DCAF1: variants seen among roughly 807,000 people sequenced by gnomAD.
The protein encoded by DCAF1 is DDB1 and CUL4 associated factor 1.
Under a neutral mutation model 128.0 loss-of-function variants are expected in DCAF1, and 15 were observed. The observed-to-expected ratio is 0.12, with a 90% CI of 0.08 to 0.18. The LOEUF is 0.18. DCAF1 is among the 10% of genes least tolerant of loss of function. The probability of loss-of-function intolerance (pLI) is 1.00; values close to 1 mark genes in which losing one functional copy is unlikely to be tolerated. For missense variants in DCAF1, 988 were observed against 1,649.5 expected (o/e 0.60, Z 6.95); for synonymous variants, 610 against 603.0 (o/e 1.01, Z -0.17).
chr3:51,416,183 G>T (rs1553630326), intron 18 of DCAF1, among the ~76,000 whole-genome samples: 1 of 151,866 alleles, frequency 6.6e-6, no homozygotes, highest in African/African-American at 2.4e-5. Flanking sequence ...AAAAGCTAAA[G>T]GCCCTAACTA....
intron 6 of DCAF1, among the ~76,000 whole-genome samples, chr3:51,447,433 A>G (rs1701986226): frequency 6.6e-6 from 1 of 152,102 alleles, no homozygotes; most frequent in African/African-American, 2.4e-5. Flanking sequence ...ATAAATAAAT[A>G]AAAACTACTC....
chr3:51,413,433 C>A, intron 20 of DCAF1, 47 bp from the exon 21 acceptor site: 1 of 1,577,198 alleles, frequency 6.3e-7, no homozygotes, highest in Non-Finnish European at 8.6e-7. Context: ...TCACAAACAT[C>A]CCCTCTTCAC....
intron 2 of DCAF1, among the ~76,000 whole-genome samples, chr3:51,492,897 G>C (rs1347004975): frequency 2.0e-5 from 3 of 152,050 alleles, no homozygotes; most frequent in Non-Finnish European, 4.4e-5. Context: ...GGGAGACTGA[G>C]GCAGGAGAAT....
In DCAF1 at chr3:51,420,850, G is replaced by A. The variant is rs1699326452; in HGVS notation, c.2120C>T (p.Pro707Leu). Residue 707 changes from proline (P) to leucine (L), a missense_variant, in exon 15 of 25, where the codon CCT (proline) becomes CTT (leucine). Around this residue, in one of 11 missense-constraint regions of DCAF1, gnomAD observed 185 missense variants for 248.1 expected, o/e 0.75. Transcript: ENST00000684031. This position sits in a 1 kb window ranked among gnomAD's most constrained non-coding sequence, Gnocchi z 6.5. ...AGGGTTCTGAGGCAGCTTTCTCCGA[G>A]GAGTACCAGAGATAAATTTACCAAT... ...SSIGKFISGTPRRKLPQNPKS... is the reference protein window; with the variant it reads ...SSIGKFISGTLRRKLPQNPKS... The A allele has an allele frequency of 1.9e-6, 3 of 1,614,012 alleles. No individual in the cohort carries two copies. Among genetic ancestry groups the A allele is most frequent in the Non-Finnish European group, 2.5e-6 (3 of 1,179,906 alleles).
chr3:51,490,523 A>G (rs1707510664), intron 2 of DCAF1, among the ~76,000 whole-genome samples: 1 of 152,232 alleles, frequency 6.6e-6, no homozygotes, highest in Non-Finnish European at 1.5e-5. Flanking sequence ...AATTTTAAAT[A>G]ACCTAAATAA....
intron 23 of DCAF1, among the ~76,000 whole-genome samples, chr3:51,405,728 A>G (rs1454008640): frequency 6.6e-6 from 1 of 152,196 alleles, no homozygotes; most frequent in African/African-American, 2.4e-5. Flanking sequence ...GGCAGAACCC[A>G]AAAGAGATTC....
intron 6 of DCAF1, among the ~76,000 whole-genome samples, chr3:51,449,079 T>C (rs1702133356): frequency 6.6e-6 from 1 of 152,050 alleles, no homozygotes; most frequent in Non-Finnish European, 1.5e-5. Flanking sequence ...TAAACATCAC[T>C]CTTAAATAAC....
intron 6 of DCAF1, among the ~76,000 whole-genome samples, chr3:51,457,357 T>A (rs1413554439): frequency 6.6e-6 from 1 of 151,980 alleles, no homozygotes; most frequent in Non-Finnish European, 1.5e-5. Context: ...AAGAGAAGTT[T>A]ACAGAAAAAA....
In DCAF1 at chr3:51,486,853, C is replaced by T. The variant is rs182945746; in HGVS notation, c.-8-3017G>A. ...TTCACCATATTGGCCAGGCTGGTCT[C>T]GAACTCCTGACCTCATGATCCGCCT... On this transcript the variant is annotated intron_variant, in intron 2 of 24. Transcript: ENST00000684031. Among the ~76,000 whole-genome samples, 23 of 152,066 alleles carry T rather than the reference C, an allele frequency of 1.5e-4. 1 individual carries two copies. Among genetic ancestry groups the T allele is most frequent in the South Asian group, 6.2e-4 (3 of 4,802 alleles).
intron 8 of DCAF1, 111 bp from the exon 9 acceptor site, chr3:51,441,182 C>A: frequency 2.5e-6 from 3 of 1,197,200 alleles, no homozygotes; most frequent in South Asian, 2.9e-5. Context: ...CTTCCTCCCT[C>A]CCTGTGAAGA....
chr3:51,485,193 G>A (rs1706787786), intron 2 of DCAF1, among the ~76,000 whole-genome samples: 1 of 152,182 alleles, frequency 6.6e-6, no homozygotes, highest in African/African-American at 2.4e-5. Flanking sequence ...GGGATTACAG[G>A]CGTGACCCAC....
At chr3:51,435,648 TTGCAGTGAGCAGAGA>T (rs778261883) in intron 9 of DCAF1, among the ~76,000 whole-genome samples, 205 of 151,594 alleles carry the variant, frequency 1.4e-3, no homozygotes, top group Middle Eastern at 3.4e-3. Flanking sequence ...GAGGCCAGGG[TTGCAGTGAGCAGAGA>T]TCATGCCACT....
chr3:51,419,939 A>G lies in DCAF1; in HGVS notation c.3031T>C (p.Tyr1011His). The change falls in exon 15 of 25, where the codon TAT becomes CAT. Residue 1011 changes from tyrosine to histidine, a missense_variant. By Grantham distance (83) the Tyr-to-His change is moderately conservative (BLOSUM62 2). This residue lies in a region of DCAF1 where 105 missense variants were observed against 266.7 expected (regional missense o/e 0.39). Coordinates refer to ENST00000684031, the MANE Select transcript of DCAF1 (RefSeq NM_001387579.1). ...CAGCGAGCATGTTGTTCTCTAAGAT[A>G]CTCTGTGATTATACTGTCCAGCGTA... Reference protein sequence around the residue: ...PPTLDSIITEYLREQHARCKN... With the variant: ...PPTLDSIITEHLREQHARCKN... The G allele has an allele frequency of 6.2e-7, 1 of 1,613,834 alleles. No individual in the cohort carries two copies. Among genetic ancestry groups the G allele is most frequent in the Non-Finnish European group, 8.5e-7 (1 of 1,179,874 alleles).
intron 4 of DCAF1, among the ~76,000 whole-genome samples, chr3:51,468,669 AAAAC>A (rs1245182401): frequency 7.9e-5 from 12 of 152,208 alleles, no homozygotes; most frequent in African/African-American, 2.4e-4. Context: ...AAGTATCACA[AAAAC>A]AAACAAGGAC....
intron 9 of DCAF1, chr3:51,437,228 A>T (rs546243890): frequency 1.8e-5 from 7 of 378,530 alleles, no homozygotes; most frequent in South Asian, 1.2e-4. Context: ...GCACCACTGC[A>T]CTGCACTCCA....
At chr3:51,424,624 AAAACACT>A (rs1553633630) in intron 13 of DCAF1, among the ~76,000 whole-genome samples, 1 of 152,180 alleles carries the variant, frequency 6.6e-6, no homozygotes, top group Non-Finnish European at 1.5e-5. Context: ...AAACCAAACA[AAAACACT>A]AAATTAGCCA....
intron 3 of DCAF1, among the ~76,000 whole-genome samples, chr3:51,481,517 C>G (rs1392999525): frequency 1.3e-5 from 2 of 151,498 alleles, no homozygotes; most frequent in African/African-American, 4.9e-5. Flanking sequence ...CATGGCAAAA[C>G]CCTATCTCTA....
At chr3:51,456,728 G>C (rs572386360) in intron 6 of DCAF1, among the ~76,000 whole-genome samples, 8 of 152,298 alleles carry the variant, frequency 5.3e-5, no homozygotes, top group East Asian at 1.9e-4. Context: ...CCAGAGGAAC[G>C]ATCAGGCAGC....
chr3:51,421,798 T>C (rs1699414807), intron 14 of DCAF1, among the ~76,000 whole-genome samples: 1 of 152,184 alleles, frequency 6.6e-6, no homozygotes, highest in African/African-American at 2.4e-5. Context: ...TTTTCCTTTT[T>C]TTATATATGT....
Sources: gnomAD v4.1 joint callset for allele counts (sites outside exome capture counted in the v4.1 genomes callset) on GRCh38, gnomAD v4.1.1 for gene constraint, gnomAD v4.1.1 regional missense constraint, Gnocchi (gnomAD v3.1) non-coding constraint, MANE v1.5 for transcripts, NCBI Gene and HGNC (gene_info 2026-07-23, HGNC 2026-07-21) for gene names.